TMEM82: variants seen among roughly 807,000 people sequenced by gnomAD.
TMEM82 encodes transmembrane protein 82.
In TMEM82, 30 loss-of-function variants were observed where a neutral mutation model predicts 29.2. That is an observed-to-expected ratio of 1.03 (90% confidence interval 0.77 to 1.39). TMEM82 has a LOEUF of 1.39. Among genes scored for constraint, TMEM82 ranks in the 40% most tolerant of loss-of-function variants. The pLI is 0.00. For missense variants in TMEM82, 442 were observed against 447.7 expected, an observed-to-expected ratio of 0.99 and a Z score of 0.12; for synonymous variants, 221 against 225.4, an observed-to-expected ratio of 0.98 and a Z score of 0.18.
Position 15,744,573 on chromosome 1 carries a change from CA to C in TMEM82, c.751del (p.Met251CysfsTer30). ...TCTGCTACACGCTGCTGGTCATCTACATGCAGGGTGAGCGCTGCGGGGCCTG... is the reference window on the plus strand; with the variant it reads ...TCTGCTACACGCTGCTGGTCATCTACTGCAGGGTGAGCGCTGCGGGGCCTG... ...TICYTLLVIYMQEEQRQHPGL... is the reference protein window; with the variant it reads ...TICYTLLVIYXQEEQRQHPGL... On this transcript the variant is annotated frameshift_variant, in exon 4 of 6. Transcript: ENST00000375782. LOFTEE classifies it high-confidence loss of function. This position sits in a 1 kb window ranked among gnomAD's most constrained non-coding sequence, Gnocchi z 5.2. 1 of 1,607,636 alleles carries C rather than the reference CA, an allele frequency of 6.2e-7. No individual in the cohort carries two copies. Among genetic ancestry groups the C allele is most frequent in the Non-Finnish European group, 8.5e-7 (1 of 1,176,896 alleles).
chr1:15,745,529 GAGAA>G (rs2068327560), intron 4 of TMEM82, among the ~76,000 whole-genome samples: 1 of 111,128 alleles, frequency 9.0e-6, no homozygotes, highest in African/African-American at 4.9e-5. Context: ...GAAAGAAAGA[GAGAA>G]AGAGAGAGAG....
At chr1:15,745,070 A>G (rs988855431) in intron 4 of TMEM82, among the ~76,000 whole-genome samples, 1 of 152,146 alleles carries the variant, frequency 6.6e-6, no homozygotes, top group Admixed American at 6.5e-5. Context: ...TTTTTGAGAT[A>G]GGGTTTTGCT....
chr1:15,745,484 A>G (rs1424695540), intron 4 of TMEM82, among the ~76,000 whole-genome samples: 2 of 151,712 alleles, frequency 1.3e-5, no homozygotes, highest in East Asian at 3.9e-4. Context: ...GAACCACTGC[A>G]CTCCAGCCTG....
rs2068323992 is a variant in TMEM82, at chr1:15,744,939, G to T, written c.757+359G>T. ...CTGTCACCCCAAGGGCACAGGGAAG[G>T]GGTGAGGCTGGCCAGGTTCGAAGGG... is the stretch of plus-strand genomic sequence containing the variant. On this transcript the variant is annotated intron_variant, in intron 4 of 5. Transcript: ENST00000375782. The surrounding 1 kb of genome is among the most constrained non-coding windows in gnomAD (Gnocchi z 5.2). Among the ~76,000 whole-genome samples the T allele has an allele frequency of 6.6e-6, 1 of 152,248 alleles. No homozygotes were observed. Among genetic ancestry groups the T allele is most frequent in the South Asian group, 2.1e-4 (1 of 4,834 alleles).
chr1:15,746,982 C>T lies in TMEM82; in HGVS notation c.873C>T (p.Ile291=). The change falls in exon 5 of 6, where the codon ATC becomes ATT. Residue 291 remains isoleucine (I), a synonymous_variant. Coordinates refer to ENST00000375782, the MANE Select transcript of TMEM82 (RefSeq NM_001013641.3). ...TVGRWLDLLG[I]LVSLLGELWC... ...GTCGCTGGCTGGACCTGCTGGGCAT[C>T]CTTGTCTCCCTACTGGGCGAGCTCT... 1 of 1,612,234 alleles carries T rather than the reference C, an allele frequency of 6.2e-7. No homozygotes were observed. The highest frequency in any genetic ancestry group is 8.5e-7 in the Non-Finnish European group (1 of 1,179,972).
In TMEM82 at chr1:15,743,056, G is replaced by A; in HGVS notation, c.198G>A (p.Arg66=). 6.2e-7 allele frequency: 1 copy of A among 1,605,750 alleles called. No individual in the cohort carries two copies. Among genetic ancestry groups the A allele is most frequent in the Non-Finnish European group, 8.5e-7 (1 of 1,176,334 alleles). ...PQRRPEKERL[R]AQWASLETVH... Reference sequence around the variant, plus strand: ...GGCGACCCGAAAAGGAGCGGCTTCGGGCCCAGTGGGCCTCCCTGGAAACGG... The same window carrying A: ...GGCGACCCGAAAAGGAGCGGCTTCGAGCCCAGTGGGCCTCCCTGGAAACGG... Residue 66 remains arginine, a synonymous_variant, in exon 3 of 6, where the codon CGG becomes CGA. Transcript: ENST00000375782.
chr1:15,747,838 A>C lies in TMEM82; in HGVS notation c.*206A>C. 2.2e-6 allele frequency: 1 copy of C among 464,426 alleles called. No homozygotes were observed. The highest frequency in any genetic ancestry group is 2.0e-5 in the African/African-American group (1 of 49,770). The allele number at this position is 464,426 out of a possible 1,614,324, so 28.8% of individuals were successfully genotyped here. A position where few individuals can be genotyped will look rare whatever the true frequency, so the allele number is the denominator to read the frequency against. On this transcript the variant is annotated 3_prime_UTR_variant, in exon 6 of 6. Coordinates refer to ENST00000375782, the MANE Select transcript of TMEM82 (RefSeq NM_001013641.3). The stretch of plus-strand genomic sequence containing the variant: ...GGGACACCTGGGGACCCCTGGTTGA[A>C]CCCTCTTTTTCTTGGGGTGGGCAAT...
At chr1:15,746,815 G>A in intron 4 of TMEM82, 52 bp from the exon 5 acceptor site, 1 of 1,484,048 alleles carries the variant, frequency 6.7e-7, no homozygotes, top group South Asian at 1.2e-5. Context: ...GGAGCAGGGA[G>A]GTCCAGTCCG....
At position 15,744,066 on chromosome 1, in the gene TMEM82, C is replaced by T; in HGVS notation, c.337-94C>T. 2 of 1,338,662 alleles carry T rather than the reference C, an allele frequency of 1.5e-6. No individual in the cohort carries two copies. The highest frequency in any genetic ancestry group is 2.0e-6 in the Non-Finnish European group (2 of 1,012,836). The allele number at this position is 1,338,662 out of a possible 1,614,324, so 82.9% of individuals were successfully genotyped here. On this transcript the variant is annotated intron_variant, in intron 3 of 5. Coordinates refer to ENST00000375782, the MANE Select transcript of TMEM82 (RefSeq NM_001013641.3). The surrounding 1 kb of genome is among the most constrained non-coding windows in gnomAD (Gnocchi z 5.2). ...CGATGTGGCCCCTTCGGGAACCATC[C>T]CCAAGGTCCCTTCAGGCTCCGGCTT...
chr1:15,743,828 G>A (rs2068311775), intron 3 of TMEM82, among the ~76,000 whole-genome samples: 3 of 152,190 alleles, frequency 2.0e-5, no homozygotes, highest in African/African-American at 4.8e-5. Flanking sequence ...AGCTGGGCAT[G>A]GTGGCGGGTG....
rs747414937 is a variant in TMEM82 at position 15,744,400 on chromosome 1, C to A, written c.577C>A (p.Leu193Met). The A allele has an allele frequency of 1.4e-5, 22 of 1,578,350 alleles. No individual in the cohort carries two copies. The Admixed American group carries it at 3.8e-4, about 27-fold the overall frequency. Residue 193 changes from leucine to methionine, a missense_variant, in exon 4 of 6, where the codon CTG becomes ATG. Leu to Met is a conservative substitution (Grantham distance 15). Coordinates refer to ENST00000375782, the MANE Select transcript of TMEM82 (RefSeq NM_001013641.3). The surrounding 1 kb of genome is among the most constrained non-coding windows in gnomAD (Gnocchi z 5.2). ...GCGCTACTGTGGGGTGTGCCTGGGC[C>A]TGCTGGCCCATGCACATGGCCTCCC... ...SQRYCGVCLG[L>M]LAHAHGLPQL...
chr1:15,746,795 G>T (rs1188373152), intron 4 of TMEM82, 72 bp from the exon 5 acceptor site: 2 of 1,325,770 alleles, frequency 1.5e-6, no homozygotes, highest in Non-Finnish European at 2.1e-6. Context: ...TCCTGTGGAG[G>T]GTGGGTCAGG....
rs1388934723 is a variant in TMEM82 at position 15,747,716 on chromosome 1, C to T, written c.*84C>T. ...TTGACCCCAGGGCGATGCCTGGAGG[C>T]AGAGTGGCAGAGCTGGCCTCCTGCC... On this transcript the variant is annotated 3_prime_UTR_variant, in exon 6 of 6. Transcript: ENST00000375782. 3.2e-6 allele frequency: 4 copies of T among 1,243,684 alleles called. No individual in the cohort carries two copies. Among genetic ancestry groups the T allele is most frequent in the Non-Finnish European group, 4.6e-6 (4 of 869,494 alleles). 77.0% of individuals were successfully genotyped at this position (1,243,684 alleles called of 1,614,324 possible).
rs752457348 is a variant in TMEM82, at chr1:15,744,608, A to G, written c.757+28A>G. 1 of 1,571,780 alleles carries G rather than the reference A, an allele frequency of 6.4e-7. No individual in the cohort carries two copies. Among genetic ancestry groups the G allele is most frequent in the Non-Finnish European group, 8.6e-7 (1 of 1,157,022 alleles). ...GAGCGCTGCGGGGCCTGCTCCATTCAATCCACGCACATCCCTCTGTCTGGG... is the reference window on the plus strand; with the variant it reads ...GAGCGCTGCGGGGCCTGCTCCATTCGATCCACGCACATCCCTCTGTCTGGG... On this transcript the variant is annotated intron_variant, in intron 4 of 5. Coordinates refer to ENST00000375782, the MANE Select transcript of TMEM82 (RefSeq NM_001013641.3). This position sits in a 1 kb window ranked among gnomAD's most constrained non-coding sequence, Gnocchi z 5.2.
At position 15,742,849 on chromosome 1, in the gene TMEM82, C is replaced by G; in HGVS notation, c.103C>G (p.Leu35Val). ...DSLLQGLIGA[L>V]GVLVLNSLLK... ...CGCCCCCTCAGGCCTGATCGGGGCC[C>G]TTGGAGTCTTGGTCCTGAACAGCCT... Residue 35 changes from leucine (L) to valine (V), a missense_variant, in exon 2 of 6, where the codon CTT becomes GTT. Leu to Val is a conservative substitution (Grantham distance 32, BLOSUM62 1). Coordinates refer to ENST00000375782, the MANE Select transcript of TMEM82 (RefSeq NM_001013641.3). 6.2e-7 allele frequency: 1 copy of G among 1,612,776 alleles called. No individual in the cohort carries two copies. Among genetic ancestry groups the G allele is most frequent in the Non-Finnish European group, 8.5e-7 (1 of 1,179,920 alleles).
Position 15,744,467 on chromosome 1 carries a change from G to T in TMEM82, c.644G>T (p.Gly215Val). ...GRALAIAFAV[G>V]DLAAVALINQ... ...GCCCTGGCCATAGCCTTTGCCGTGG[G>T]TGACCTGGCAGCTGTGGCCCTCATC... The change falls in exon 4 of 6, where the codon GGT becomes GTT. Residue 215 changes from glycine to valine, a missense_variant. Coordinates refer to ENST00000375782, the MANE Select transcript of TMEM82 (RefSeq NM_001013641.3). The surrounding 1 kb of genome is among the most constrained non-coding windows in gnomAD (Gnocchi z 5.2). 1 of 1,609,786 alleles carries T rather than the reference G, an allele frequency of 6.2e-7. No homozygotes were observed. Among genetic ancestry groups the T allele is most frequent in the East Asian group, 2.2e-5 (1 of 44,818 alleles).
chr1:15,745,861 C>G (rs1349370712), intron 4 of TMEM82, among the ~76,000 whole-genome samples: 4 of 144,830 alleles, frequency 2.8e-5, no homozygotes, highest in Admixed American at 1.4e-4. Flanking sequence ...GCACTCCAAT[C>G]TGGGCAACAG....
At chr1:15,745,465 G>C (rs1557672797) in intron 4 of TMEM82, among the ~76,000 whole-genome samples, 1 of 151,996 alleles carries the variant, frequency 6.6e-6, no homozygotes, top group African/African-American at 2.4e-5. Flanking sequence ...GTTGCAGTGA[G>C]CCAGGATCGA....
rs2068321664 is a variant in TMEM82, at chr1:15,744,665, C to T, written c.757+85C>T. 2 of 1,438,390 alleles carry T rather than the reference C, an allele frequency of 1.4e-6. No individual in the cohort carries two copies. The highest frequency in any genetic ancestry group is 5.0e-5 in the Admixed American group (2 of 40,398). The allele number at this position is 1,438,390 out of a possible 1,614,324, so 89.1% of individuals were successfully genotyped here. A position where few individuals can be genotyped will look rare whatever the true frequency, so the allele number is the denominator to read the frequency against. On this transcript the variant is annotated intron_variant, in intron 4 of 5. Transcript: ENST00000375782. The surrounding 1 kb of genome is among the most constrained non-coding windows in gnomAD (Gnocchi z 5.2). ...TCCGGGGAGGCCGAGAGCCATCAGCCCTCACTCTTGCCATCCCAGAGAGCC... is the reference window on the plus strand; with the variant it reads ...TCCGGGGAGGCCGAGAGCCATCAGCTCTCACTCTTGCCATCCCAGAGAGCC...
Sources: allele counts gnomAD v4.1 joint callset (sites outside exome capture counted in the v4.1 genomes callset), GRCh38; gene constraint gnomAD v4.1.1; non-coding constraint Gnocchi (gnomAD v3.1); transcripts MANE v1.5; gene names NCBI Gene and HGNC (gene_info 2026-07-23, HGNC 2026-07-21).